Variants in HLA-DQA1 observed in about 807,000 individuals in gnomAD.
The protein encoded by HLA-DQA1 is HLA class II histocompatibility antigen, DQ alpha 1 chain.
A neutral mutation model predicts 20.7 loss-of-function variants in HLA-DQA1; 10 were observed. The ratio of observed to expected loss-of-function variants is 0.48; its 90% CI spans 0.30 to 0.82. HLA-DQA1 has a LOEUF of 0.82. Among genes scored for constraint, HLA-DQA1 ranks in the 40% least tolerant of loss-of-function variants. The pLI is 0.07. For synonymous variants in HLA-DQA1, 39 were observed against 109.2 expected (o/e 0.36, Z 4.01); for missense variants, 127 against 293.0 (o/e 0.43, Z 4.14).
downstream of HLA-DQA1, chr6:32,646,145 T>C (rs1781896054): frequency 2.0e-5 from 1 of 50,686 alleles, no homozygotes; most frequent in African/African-American, 6.5e-5. Flanking sequence ...TCAATAGGGT[T>C]ACAGATCTAC....
chr6:32,651,236 T>A (rs1459313445), downstream of HLA-DQA1, among the ~76,000 whole-genome samples: 5 of 89,200 alleles, frequency 5.6e-5, 2 homozygotes, highest in African/African-American at 1.9e-4. Context: ...GTACAAAAAA[T>A]TGGAAAATTT....
the HLA-DQA1 span, among the ~76,000 whole-genome samples, chr6:32,652,205 C>T: frequency 4.7e-4 from 40 of 85,956 alleles, 11 homozygotes; most frequent in Admixed American, 1.3e-3. Flanking sequence ...AGGCTGAACC[C>T]GGGAGGCGGA....
chr6:32,640,402 A>C (rs28383406), intron 1 of HLA-DQA1, among the ~76,000 whole-genome samples: 2,528 of 73,002 alleles, frequency 0.035, 144 homozygotes, highest in Middle Eastern at 0.068. Context: ...ATGTCTTGAC[A>C]AAAAAGTCCA....
chr6:32,642,013 C>G lies in HLA-DQA1; in HGVS notation c.373C>G (p.Leu125Val), dbSNP rs41555012. Reference protein sequence around the residue: ...VTVFSKSPVTLGQPNTLICLV... With the variant: ...VTVFSKSPVTVGQPNTLICLV... ...AGTGTTTTCCAAGTCTCCCGTGACA[C>G]TGGGTCAGCCCAACACCCTCATTTG... Residue 125 changes from leucine (L) to valine (V), a missense_variant, in exon 3 of 5, where the codon CTG becomes GTG. Coordinates refer to ENST00000343139, the MANE Select transcript of HLA-DQA1 (RefSeq NM_002122.5). The G allele has an allele frequency of 9.0e-5, 140 of 1,551,886 alleles. 22 individuals are homozygous for G. The East Asian group carries it at 3.2e-3, about 36-fold the overall frequency.
downstream of HLA-DQA1, among the ~76,000 whole-genome samples, chr6:32,648,064 C>A (rs17612676): frequency 0.56 from 79,299 of 142,002 alleles, 22,739 homozygotes; most frequent in Middle Eastern, 0.69. Flanking sequence ...AATTTGGGGG[C>A]GTTTAGAGAT....
At chr6:32,644,277 T>C (rs1430312469), downstream of HLA-DQA1, 1 of 152,146 alleles carries the variant, frequency 6.6e-6, no homozygotes. Context: ...TTTCTAACCA[T>C]GCTACCTGCA....
In HLA-DQA1 at chr6:32,643,182, G is replaced by A; in HGVS notation, c.*251G>A. The A allele has an allele frequency of 2.8e-6, 1 of 353,934 alleles. No individual in the cohort carries two copies. The highest frequency in any genetic ancestry group is 5.6e-6 in the Non-Finnish European group (1 of 179,340). The allele number at this position is 353,934 out of a possible 1,614,324, so 21.9% of individuals were successfully genotyped here. On this transcript the variant is annotated 3_prime_UTR_variant, in exon 5 of 5. Transcript: ENST00000343139. ...AATGTTACCTACAAAGACATGCCTG[G>A]GGTAAGCCACCCGGCTACCTAATTC...
In HLA-DQA1 at chr6:32,642,792, T is replaced by G. The variant is rs1488478352; in HGVS notation, c.*20+8T>G. ...CCCATCCTGGAAGGGAAGGTAAGATTGAGACTGGTTACAGTTGAAGCGGCA... is the reference window on the plus strand; with the variant it reads ...CCCATCCTGGAAGGGAAGGTAAGATGGAGACTGGTTACAGTTGAAGCGGCA... On this transcript the variant is annotated splice_region_variant and intron_variant, in intron 4 of 4. Coordinates refer to ENST00000343139, the MANE Select transcript of HLA-DQA1 (RefSeq NM_002122.5). 7 of 1,081,078 alleles carry G rather than the reference T, an allele frequency of 6.5e-6. 1 individual carries two copies. In the African/African-American group the frequency reaches 1.4e-4, roughly 21 times the overall value. 67.0% of individuals were successfully genotyped at this position (1,081,078 alleles called of 1,614,324 possible). A position where few individuals can be genotyped will look rare whatever the true frequency, so the allele number is the denominator to read the frequency against.
chr6:32,641,602 C>A (rs9272718), intron 2 of HLA-DQA1, 44 bp downstream of exon 2: 1 of 858,248 alleles, frequency 1.2e-6, no homozygotes, highest in Non-Finnish European at 1.6e-6. Flanking sequence ...AGTTATCCCT[C>A]CATACCAGGG....
At chr6:32,650,444 C>T (rs541231125), downstream of HLA-DQA1, among the ~76,000 whole-genome samples, 4 of 96,176 alleles carry the variant, frequency 4.2e-5, 1 homozygote, top group East Asian at 9.9e-4. Flanking sequence ...AGACTTGGAT[C>T]CAACCCAGAT....
chr6:32,648,072 GAT>G (rs1398269124), downstream of HLA-DQA1, among the ~76,000 whole-genome samples: 23 of 148,946 alleles, frequency 1.5e-4, no homozygotes, highest in Admixed American at 4.1e-4. Context: ...GGCGTTTAGA[GAT>G]GGCTTGAAGA....
chr6:32,641,567 C>G lies in HLA-DQA1; in HGVS notation c.331+9C>G. On this transcript the variant is annotated intron_variant, in intron 2 of 4. Transcript: ENST00000343139. ...TACCGCTGCTACCAATGGTATGCGT[C>G]CACCATTCTGCCTCTCTTTACTTAA... The G allele has an allele frequency of 2.0e-6, 2 of 1,002,908 alleles. 1 individual carries two copies. 62.1% of individuals were successfully genotyped at this position (1,002,908 alleles called of 1,614,324 possible).
At chr6:32,655,089 A>C in the HLA-DQA1 span, among the ~76,000 whole-genome samples, 7,893 of 70,386 alleles carry the variant, frequency 0.11, 727 homozygotes, top group Middle Eastern at 0.13. Context: ...TCATACCACA[A>C]AAAAAGTGAA....
At chr6:32,653,841 TA>T in the HLA-DQA1 span, among the ~76,000 whole-genome samples, 1,296 of 80,072 alleles carry the variant, frequency 0.016, 39 homozygotes, top group Admixed American at 0.023. Context: ...TTTACATCAT[TA>T]TGTTAAAGAA....
At chr6:32,645,326 TTG>T (rs879498701), downstream of HLA-DQA1, 43,397 of 145,384 alleles carry the variant, frequency 0.3, 6,952 homozygotes, top group Middle Eastern at 0.48. Flanking sequence ...CCACAGATAG[TTG>T]GGGGAATGGG....
downstream of HLA-DQA1, chr6:32,646,467 G>A (rs542019220): frequency 1.0e-5 from 1 of 98,534 alleles, no homozygotes; most frequent in East Asian, 3.2e-4. Context: ...TGAGGCAAGA[G>A]GAGTGCTTGA....
chr6:32,641,199 CA>C (rs199787933), intron 1 of HLA-DQA1, 110 bp from the exon 2 acceptor site: 19,409 of 713,584 alleles, frequency 0.027, 2,764 homozygotes, highest in Admixed American at 0.079. Flanking sequence ...CAGACTGTGC[CA>C]AAAAATGAAG....
At position 32,637,555 on chromosome 6, in the gene HLA-DQA1, G is replaced by C; in HGVS notation, c.82+15G>C. ...AGACATTGTGGGTGAGTGCATGAGT[G>C]AGGGATGTTCTCTGGAGCTGAAAAA... On this transcript the variant is annotated intron_variant, in intron 1 of 4. Coordinates refer to ENST00000343139, the MANE Select transcript of HLA-DQA1 (RefSeq NM_002122.5). 1 of 1,053,186 alleles carries C rather than the reference G, an allele frequency of 9.5e-7. No individual in the cohort carries two copies. Among genetic ancestry groups the C allele is most frequent in the Non-Finnish European group, 1.4e-6 (1 of 733,242 alleles). The allele number at this position is 1,053,186 out of a possible 1,614,324, so 65.2% of individuals were successfully genotyped here. A position where few individuals can be genotyped will look rare whatever the true frequency, so the allele number is the denominator to read the frequency against.
At chr6:32,651,245 T>A (rs1194285109), downstream of HLA-DQA1, among the ~76,000 whole-genome samples, 3 of 91,818 alleles carry the variant, frequency 3.3e-5, 1 homozygote, top group African/African-American at 7.5e-5. Context: ...ATTGGAAAAT[T>A]TAATAGAAAG....
Sources: allele counts gnomAD v4.1 joint callset (sites outside exome capture counted in the v4.1 genomes callset), GRCh38; gene constraint gnomAD v4.1.1; transcripts MANE v1.5; gene names NCBI Gene and HGNC (gene_info 2026-07-23, HGNC 2026-07-21).